TAB2: variants seen among roughly 807,000 people sequenced by gnomAD.
TAB2 encodes TGF-beta-activated kinase 1 and MAP3K7-binding protein 2.
In TAB2, 3 loss-of-function variants were observed where a neutral mutation model predicts 65.0. That is an observed-to-expected ratio of 0.05 (90% CI 0.02 to 0.12). TAB2 has a LOEUF of 0.12. TAB2 is among the 10% of genes least tolerant of loss of function. TAB2 has a pLI of 1.00. For missense variants in TAB2, 623 were observed against 840.3 expected, an observed-to-expected ratio of 0.74 and a Z score of 3.20; for synonymous variants, 298 against 285.1, an observed-to-expected ratio of 1.05 and a Z score of -0.46.
intron 1 of TAB2, among the ~76,000 whole-genome samples, chr6:149,286,567 T>A (rs1778679682): frequency 6.6e-6 from 1 of 152,216 alleles, no homozygotes; most frequent in Admixed American, 6.5e-5. Flanking sequence ...TCAGATGCTT[T>A]GACTCATTAA....
chr6:149,271,328 A>G (rs2114676075), intron 1 of TAB2, among the ~76,000 whole-genome samples: 1 of 152,282 alleles, frequency 6.6e-6, no homozygotes, highest in Non-Finnish European at 1.5e-5. Context: ...GATGTAAATA[A>G]TTTCATTGGT....
At chr6:149,275,232 GAGAGAAAGAAAGAAAGAA>G (rs1401473928) in intron 1 of TAB2, among the ~76,000 whole-genome samples, 27 of 123,844 alleles carry the variant, frequency 2.2e-4, no homozygotes, top group African/African-American at 7.5e-4. Flanking sequence ...GGGGGAGAGA[GAGAGAAAGAAAGAAAGAA>G]AGAAAGAAAG....
At chr6:149,267,637 G>A (rs1778287857) in intron 1 of TAB2, among the ~76,000 whole-genome samples, 1 of 152,106 alleles carries the variant, frequency 6.6e-6, no homozygotes, top group African/African-American at 2.4e-5. Flanking sequence ...ACAGGGTTAT[G>A]CTCCGAGAAA....
chr6:149,387,048 G>A (rs1191129961), intron 3 of TAB2, among the ~76,000 whole-genome samples: 3 of 152,014 alleles, frequency 2.0e-5, no homozygotes, highest in African/African-American at 4.8e-5. Flanking sequence ...CCCATTCTGT[G>A]TATTGTCTTT....
intron 1 of TAB2, among the ~76,000 whole-genome samples, chr6:149,349,651 T>C (rs1419220683): frequency 1.3e-5 from 2 of 152,202 alleles, no homozygotes; most frequent in Non-Finnish European, 2.9e-5. Context: ...GACTTAATGT[T>C]CAAATTGTTC....
chr6:149,294,316 A>G (rs1778836347), intron 1 of TAB2, among the ~76,000 whole-genome samples: 1 of 152,182 alleles, frequency 6.6e-6, no homozygotes, highest in Non-Finnish European at 1.5e-5. Context: ...CCGTATCTTC[A>G]CATGGTCTTC....
At chr6:149,343,982 A>ATT (rs1780210101) in intron 1 of TAB2, among the ~76,000 whole-genome samples, 1 of 152,220 alleles carries the variant, frequency 6.6e-6, no homozygotes, top group Non-Finnish European at 1.5e-5. Flanking sequence ...CAATCCTAAT[A>ATT]TTCTAGCATG....
At chr6:149,278,899 T>C (rs746162418) in intron 1 of TAB2, among the ~76,000 whole-genome samples, 4 of 151,884 alleles carry the variant, frequency 2.6e-5, no homozygotes, top group Non-Finnish European at 5.9e-5. Flanking sequence ...GGCAACACGA[T>C]GAAACCCCAT....
At chr6:149,256,358 C>T (rs563976748) in intron 1 of TAB2, among the ~76,000 whole-genome samples, 2 of 152,234 alleles carry the variant, frequency 1.3e-5, no homozygotes, top group Non-Finnish European at 2.9e-5. Flanking sequence ...TATTTATAAA[C>T]TATATAAATT....
At chr6:149,364,077 AC>A (rs1305020098) in intron 1 of TAB2, among the ~76,000 whole-genome samples, 1 of 152,058 alleles carries the variant, frequency 6.6e-6, no homozygotes, top group African/African-American at 2.4e-5. Flanking sequence ...ACTTCTCTCT[AC>A]CTAGTCTCCA....
At chr6:149,305,983 C>T (rs1339174896) in intron 1 of TAB2, among the ~76,000 whole-genome samples, 5 of 152,240 alleles carry the variant, frequency 3.3e-5, no homozygotes, top group African/African-American at 1.2e-4. Context: ...AGTACCACCA[C>T]AATCAGTTTG....
In TAB2 at chr6:149,358,879, A is replaced by G. The variant is rs556290362; in HGVS notation, c.-89-11030A>G. On this transcript the variant is annotated intron_variant, in intron 1 of 6. Transcript: ENST00000637181. The stretch of plus-strand genomic sequence containing the variant: ...GTTGCTATTCTCTTATCCATCTTCC[A>G]GTTCACCTTTCTCTGTAGTCTCAAG... Among the ~76,000 whole-genome samples, 5 of 148,712 alleles carry G rather than the reference A, an allele frequency of 3.4e-5. No individual in the cohort carries two copies. The South Asian group carries it at 1.1e-3, about 33-fold the overall frequency.
chr6:149,353,111 T>C (rs1327638230), intron 1 of TAB2, among the ~76,000 whole-genome samples: 1 of 152,170 alleles, frequency 6.6e-6, no homozygotes, highest in African/African-American at 2.4e-5. Context: ...TGGAGTATCT[T>C]GTTTTTACTT....
rs1778042015 is a variant in TAB2, at chr6:149,256,674, A to C, written c.-121+37898A>C. 2.6e-5 allele frequency among the ~76,000 whole-genome samples: 4 copies of C among 151,890 alleles called. No individual in the cohort carries two copies. The South Asian group carries it at 8.6e-4, about 33-fold the overall frequency. Reference sequence around the variant, plus strand: ...CTGGATAAAATTTTCCACACATGGAAAAGCACCCAGTACAGTTCCTGCATT... The same window carrying C: ...CTGGATAAAATTTTCCACACATGGACAAGCACCCAGTACAGTTCCTGCATT... On this transcript the variant is annotated intron_variant, in intron 1 of 1. Coordinates refer to the TAB2 transcript ENST00000606202.
chr6:149,383,862 C>T (rs1158886545), intron 3 of TAB2, among the ~76,000 whole-genome samples: 4 of 152,186 alleles, frequency 2.6e-5, no homozygotes, highest in Admixed American at 2.0e-4. Flanking sequence ...GGGTTACAGA[C>T]GTGAGCCACC....
chr6:149,303,433 G>T (rs1259328355), intron 1 of TAB2, among the ~76,000 whole-genome samples: 1 of 151,094 alleles, frequency 6.6e-6, no homozygotes. Context: ...AGGCTGCAAA[G>T]CAGGATACCC....
At chr6:149,372,421 C>CA (rs1781260216) in intron 2 of TAB2, 2 of 152,158 alleles carry the variant, frequency 1.3e-5, no homozygotes, top group Non-Finnish European at 2.9e-5. Context: ...AGTTAGGACT[C>CA]AGACTTCTCA....
chr6:149,236,608 A>G (rs922608217), intron 1 of TAB2, among the ~76,000 whole-genome samples: 1 of 152,224 alleles, frequency 6.6e-6, no homozygotes, highest in Non-Finnish European at 1.5e-5. Flanking sequence ...TTTTTTATAT[A>G]AAAATTTTTT....
In TAB2 at chr6:149,362,647, TA is replaced by T. The variant is rs368205433; in HGVS notation, c.-89-7259del. Among the ~76,000 whole-genome samples, 22 of 107,426 alleles carry T rather than the reference TA, an allele frequency of 2.0e-4. No individual in the cohort carries two copies. In the East Asian group the frequency reaches 4.5e-3, roughly 22 times the overall value. 70.5% of individuals were successfully genotyped at this position (107,426 alleles called of 152,430 possible). A position where few individuals can be genotyped will look rare whatever the true frequency, so the allele number is the denominator to read the frequency against. Reference sequence around the variant, plus strand: ...AATTTGTCTGGACTTTGGAACAATTTAAATTACACAAAAATTAACCTTTTTT... The same window carrying T: ...AATTTGTCTGGACTTTGGAACAATTTAATTACACAAAAATTAACCTTTTTT... On this transcript the variant is annotated intron_variant, in intron 1 of 6. Coordinates refer to ENST00000637181, the MANE Select transcript of TAB2 (RefSeq NM_001292034.3).
Sources: gnomAD v4.1 joint callset for allele counts (sites outside exome capture counted in the v4.1 genomes callset) on GRCh38, gnomAD v4.1.1 for gene constraint, MANE v1.5 for transcripts, NCBI Gene and HGNC (gene_info 2026-07-23, HGNC 2026-07-21) for gene names.